Variants in LOC128462377 observed in about 807,000 individuals in gnomAD.
the LOC128462377 span, among the ~76,000 whole-genome samples, chr16:89,413,088 G>A: frequency 1.3e-5 from 2 of 152,140 alleles, no homozygotes; most frequent in African/African-American, 4.8e-5. Flanking sequence ...AGGAGGGGGC[G>A]CCGCTCAGCC....
chr16:89,408,936 C>T, the LOC128462377 span, among the ~76,000 whole-genome samples: 1 of 152,192 alleles, frequency 6.6e-6, no homozygotes, highest in African/African-American at 2.4e-5. Context: ...TACAAGTGAA[C>T]AGGCCGCTGT....
chr16:89,414,268 CA>C, the LOC128462377 span, among the ~76,000 whole-genome samples: 1 of 152,174 alleles, frequency 6.6e-6, no homozygotes, highest in African/African-American at 2.4e-5. Flanking sequence ...ATTAACAAAC[CA>C]CTTTCAAAAC....
At chr16:89,352,657 A>C in the LOC128462377 span, among the ~76,000 whole-genome samples, 1 of 152,202 alleles carries the variant, frequency 6.6e-6, no homozygotes, top group African/African-American at 2.4e-5. Flanking sequence ...ACTCATCAGC[A>C]CCAAAGTGTT....
the LOC128462377 span, among the ~76,000 whole-genome samples, chr16:89,334,174 CAG>C: frequency 5.3e-5 from 4 of 74,772 alleles, no homozygotes; most frequent in African/African-American, 1.2e-4. Flanking sequence ...AAAAAAAAAA[CAG>C]AGAGAGAGAG....
chr16:89,384,770 C>G, the LOC128462377 span, among the ~76,000 whole-genome samples: 7 of 151,968 alleles, frequency 4.6e-5, no homozygotes, highest in East Asian at 1.2e-3. Flanking sequence ...GTATTTAGCA[C>G]CTACAGAAAA....
the LOC128462377 span, among the ~76,000 whole-genome samples, chr16:89,391,021 G>A: frequency 6.6e-6 from 1 of 152,118 alleles, no homozygotes; most frequent in East Asian, 1.9e-4. Flanking sequence ...GAGGTCAGGA[G>A]ATCGAGACCA....
At chr16:89,354,647 C>T in the LOC128462377 span, among the ~76,000 whole-genome samples, 1 of 152,124 alleles carries the variant, frequency 6.6e-6, no homozygotes, top group African/African-American at 2.4e-5. Flanking sequence ...TTTGGGAGGC[C>T]GAGGCAGGTG....
At chr16:89,339,214 A>G in the LOC128462377 span, among the ~76,000 whole-genome samples, 8 of 152,264 alleles carry the variant, frequency 5.3e-5, no homozygotes, top group African/African-American at 1.9e-4. Context: ...TTTTCAGTCC[A>G]TTATCACAAT....
chr16:89,343,609 C>G, the LOC128462377 span: 1 of 152,208 alleles, frequency 6.6e-6, no homozygotes, highest in African/African-American at 2.4e-5. Flanking sequence ...CGTTCAGAAC[C>G]TCACCCCAGT....
chr16:89,349,714 G>A, the LOC128462377 span, among the ~76,000 whole-genome samples: 2 of 152,170 alleles, frequency 1.3e-5, no homozygotes, highest in South Asian at 2.1e-4. Flanking sequence ...CTTGCTCTAC[G>A]ATGCTGGCTT....
the LOC128462377 span, among the ~76,000 whole-genome samples, chr16:89,327,713 G>C: frequency 7.6e-6 from 1 of 131,970 alleles, no homozygotes; most frequent in African/African-American, 2.9e-5. Context: ...AATAAAGACA[G>C]TACCATTTAT....
the LOC128462377 span, among the ~76,000 whole-genome samples, chr16:89,384,004 GAGCTC>G: frequency 1.3e-5 from 2 of 152,144 alleles, no homozygotes; most frequent in Admixed American, 1.3e-4. Context: ...CAGGTCACCT[GAGCTC>G]AGCAGTTCAA....
chr16:89,341,300 G>C, the LOC128462377 span, among the ~76,000 whole-genome samples: 2 of 152,164 alleles, frequency 1.3e-5, no homozygotes, highest in African/African-American at 4.8e-5. Context: ...TACACCACAG[G>C]ATTTTTCGTT....
At chr16:89,329,013 C>CAG in the LOC128462377 span, 1 of 150,476 alleles carries the variant, frequency 6.6e-6, no homozygotes, top group East Asian at 2.0e-4. Flanking sequence ...ACGGGCGAAT[C>CAG]TGCAGAGGCC....
the LOC128462377 span, among the ~76,000 whole-genome samples, chr16:89,359,157 G>GA: frequency 4.0e-4 from 60 of 149,510 alleles, no homozygotes; most frequent in East Asian, 1.9e-3. Context: ...GATTCTGGAA[G>GA]AAAAAAAAAA....
At chr16:89,411,580 ATT>A in the LOC128462377 span, among the ~76,000 whole-genome samples, 2 of 151,992 alleles carry the variant, frequency 1.3e-5, no homozygotes, top group Non-Finnish European at 2.9e-5. Context: ...CGCCTGGCTA[ATT>A]TTTGTATTTT....
chr16:89,413,753 C>G, the LOC128462377 span, among the ~76,000 whole-genome samples: 2 of 152,202 alleles, frequency 1.3e-5, no homozygotes, highest in Non-Finnish European at 2.9e-5. Flanking sequence ...CGGCAGGACA[C>G]AGAAACAGCC....
the LOC128462377 span, chr16:89,392,716 C>G: frequency 6.7e-6 from 1 of 148,868 alleles, no homozygotes; most frequent in African/African-American, 2.5e-5. Context: ...GTTGAGTTCA[C>G]AGACAACGGT....
chr16:89,323,144 C>A, the LOC128462377 span: 1 of 367,182 alleles, frequency 2.7e-6, no homozygotes, highest in Non-Finnish European at 5.1e-6. Flanking sequence ...GGGAGAAGCA[C>A]GGTCTCCAGC....
Sources: allele counts gnomAD v4.1 joint callset (sites outside exome capture counted in the v4.1 genomes callset), GRCh38; gene constraint gnomAD v4.1.1; transcripts MANE v1.5.